Variants in FAM20A observed in about 807,000 individuals in gnomAD.
FAM20A encodes pseudokinase FAM20A.
A neutral mutation model predicts 52.0 loss-of-function variants in FAM20A; 42 were observed. That is an observed-to-expected ratio of 0.81 (90% CI 0.63 to 1.04). The LOEUF (loss-of-function observed/expected upper bound fraction) is 1.04, where lower values mean the gene tolerates loss of function less well. Among genes scored for constraint, FAM20A ranks in the 50% least tolerant of loss-of-function variants. The pLI, the probability that FAM20A is intolerant of heterozygous loss-of-function variation, is 0.00. For missense variants in FAM20A, 742 were observed against 712.7 expected (o/e 1.04, Z -0.47); for synonymous variants, 304 against 298.9 (o/e 1.02, Z -0.18).
At position 68,578,468 on chromosome 17, in the gene FAM20A, T is replaced by C. The variant is rs149880981; in HGVS notation, c.404+21795A>G. On this transcript the variant is annotated intron_variant, in intron 1 of 10. Transcript: ENST00000592554. ...CCTGATTTGCAAACCAAGAGAATGA[T>C]AGCAAATGTTGGCCTCCTTTCCTCC... Among the ~76,000 whole-genome samples, 313 of 152,350 alleles carry C rather than the reference T, an allele frequency of 2.1e-3. 10 individuals carry two copies. Among genetic ancestry groups the C allele is most frequent in the Admixed American group, 0.017 (255 of 15,302 alleles).
chr17:68,571,120 G>A (rs1414617668), intron 1 of FAM20A, among the ~76,000 whole-genome samples: 1 of 152,102 alleles, frequency 6.6e-6, no homozygotes, highest in Non-Finnish European at 1.5e-5. Context: ...ATGAGAAAGG[G>A]GCTGTCAGCA....
intron 9 of FAM20A, among the ~76,000 whole-genome samples, chr17:68,539,679 C>T (rs1315132811): frequency 1.3e-5 from 2 of 152,226 alleles, no homozygotes; most frequent in Admixed American, 6.5e-5. Flanking sequence ...AGAGGGCACA[C>T]GAGTGCTCTC....
chr17:68,563,070 T>C (rs1207311662), intron 1 of FAM20A, among the ~76,000 whole-genome samples: 1 of 152,044 alleles, frequency 6.6e-6, no homozygotes, highest in Non-Finnish European at 1.5e-5. Context: ...TGGTTAGGAC[T>C]AAGTTTTTAA....
intron 2 of FAM20A, among the ~76,000 whole-genome samples, 160 bp downstream of exon 2, chr17:68,555,399 G>T (rs2087021935): frequency 1.3e-5 from 2 of 152,176 alleles, no homozygotes; most frequent in South Asian, 4.1e-4. Context: ...ATCGCTATAG[G>T]ATCTCTTCCA....
At chr17:68,571,988 A>ATACATATATATAT (rs2087557026) in intron 1 of FAM20A, among the ~76,000 whole-genome samples, 1 of 3,900 alleles carries the variant, frequency 2.6e-4, no homozygotes, top group African/African-American at 2.0e-3. Flanking sequence ...ATATACATAC[A>ATACATATATATAT]TATATATATA....
At chr17:68,581,366 C>CTTTCT (rs1555832007) in intron 1 of FAM20A, among the ~76,000 whole-genome samples, 2 of 134,720 alleles carry the variant, frequency 1.5e-5, no homozygotes, top group African/African-American at 5.8e-5. Context: ...TTCTTTCTTT[C>CTTTCT]TTTCTTTCTT....
chr17:68,581,391 T>TTTCTTTCTTTCTTTC (rs2087963633), intron 1 of FAM20A, among the ~76,000 whole-genome samples: 1 of 147,122 alleles, frequency 6.8e-6, no homozygotes, highest in Non-Finnish European at 1.5e-5. Context: ...TCTTTCTTTC[T>TTTCTTTCTTTCTTTC]TTCTTTCTTT....
intron 4 of FAM20A, among the ~76,000 whole-genome samples, chr17:68,545,840 C>A (rs2086529083): frequency 6.6e-6 from 1 of 152,214 alleles, no homozygotes; most frequent in Non-Finnish European, 1.5e-5. Flanking sequence ...TAGATTCTAT[C>A]TCAAGAAACC....
At chr17:68,574,370 G>A (rs1252678994) in intron 1 of FAM20A, among the ~76,000 whole-genome samples, 1 of 152,082 alleles carries the variant, frequency 6.6e-6, no homozygotes, top group Non-Finnish European at 1.5e-5. Context: ...TGCTAGCTCC[G>A]GTTTCCTTTC....
intron 1 of FAM20A, among the ~76,000 whole-genome samples, chr17:68,562,611 T>TAC (rs1555826939): frequency 1.3e-5 from 2 of 149,266 alleles, no homozygotes; most frequent in East Asian, 3.9e-4. Flanking sequence ...TCCTTTTCCA[T>TAC]CCCCCCCCCT....
chr17:68,549,863 A>T (rs2086751920), intron 4 of FAM20A, among the ~76,000 whole-genome samples: 1 of 152,230 alleles, frequency 6.6e-6, no homozygotes, highest in Non-Finnish European at 1.5e-5. Flanking sequence ...TTTCAAAGGA[A>T]CACAATGTAT....
At chr17:68,583,097 C>T (rs1033058089) in intron 1 of FAM20A, among the ~76,000 whole-genome samples, 1 of 151,986 alleles carries the variant, frequency 6.6e-6, no homozygotes, top group South Asian at 2.1e-4. Context: ...GGATTTAAAC[C>T]CAGAGTTGCC....
At chr17:68,570,835 A>G (rs768145840) in intron 1 of FAM20A, among the ~76,000 whole-genome samples, 1 of 152,224 alleles carries the variant, frequency 6.6e-6, no homozygotes, top group African/African-American at 2.4e-5. Context: ...TTACTAAGCT[A>G]TTATGAGAAA....
chr17:68,561,482 T>C (rs1462036672), intron 1 of FAM20A, among the ~76,000 whole-genome samples: 1 of 152,200 alleles, frequency 6.6e-6, no homozygotes, highest in Non-Finnish European at 1.5e-5. Flanking sequence ...TTCTGGAAGC[T>C]CCATTCTGTT....
Position 68,600,211 on chromosome 17 carries a change from G to T in FAM20A, c.404+52C>A. The T allele has an allele frequency of 6.5e-7, 1 of 1,539,298 alleles. No homozygotes were observed. On this transcript the variant is annotated intron_variant, in intron 1 of 10. Coordinates refer to ENST00000592554, the MANE Select transcript of FAM20A (RefSeq NM_017565.4). The surrounding 1 kb of genome is among the most constrained non-coding windows in gnomAD (Gnocchi z 6.2). ...CAGGAAACTCGAGACTGGGGCGCGG[G>T]GAGGCCCCGGCCAGAGCGCCCGCTC...
chr17:68,597,306 ACTT>A (rs2088481351), intron 1 of FAM20A, among the ~76,000 whole-genome samples: 1 of 151,070 alleles, frequency 6.6e-6, no homozygotes, highest in Non-Finnish European at 1.5e-5. Flanking sequence ...TATTCTCTGT[ACTT>A]CTCCTGGTGT....
intron 1 of FAM20A, among the ~76,000 whole-genome samples, chr17:68,596,995 A>AT (rs1567754427): frequency 6.6e-6 from 1 of 152,206 alleles, no homozygotes; most frequent in Non-Finnish European, 1.5e-5. Flanking sequence ...ACTTAACTAC[A>AT]TGTCTAAATG....
intron 1 of FAM20A, among the ~76,000 whole-genome samples, chr17:68,578,410 G>A (rs2087835495): frequency 6.6e-6 from 1 of 152,190 alleles, no homozygotes; most frequent in Non-Finnish European, 1.5e-5. Flanking sequence ...TGGCCTGTGA[G>A]CTAGTGCTAA....
chr17:68,554,941 C>G, intron 2 of FAM20A, 114 bp from the exon 3 acceptor site: 1 of 1,111,264 alleles, frequency 9.0e-7, no homozygotes, highest in Non-Finnish European at 1.4e-6. Context: ...TGTGATGTAG[C>G]CTGGGGCCCT....
Sources: gnomAD v4.1 joint callset for allele counts (sites outside exome capture counted in the v4.1 genomes callset) on GRCh38, gnomAD v4.1.1 for gene constraint, Gnocchi (gnomAD v3.1) non-coding constraint, MANE v1.5 for transcripts, NCBI Gene and HGNC (gene_info 2026-07-23, HGNC 2026-07-21) for gene names.